The following GRIN2B variants were observed in gnomAD, a reference collection of about 807,000 sequenced individuals.
GRIN2B encodes the protein glutamate receptor ionotropic, NMDA 2B.
A neutral mutation model predicts 114.5 loss-of-function variants in GRIN2B; 5 were observed. The observed-to-expected ratio is 0.04, with a 90% confidence interval of 0.02 to 0.09. The LOEUF (loss-of-function observed/expected upper bound fraction) is 0.09, where lower values mean the gene tolerates loss of function less well. Among genes scored for constraint, GRIN2B ranks in the 10% least tolerant of loss-of-function variants. The probability of loss-of-function intolerance (pLI) is 1.00; values close to 1 mark genes in which losing one functional copy is unlikely to be tolerated. For synonymous variants in GRIN2B, 787 were observed against 745.1 expected (o/e 1.06, Z -0.92); for missense variants, 1,108 against 1,943.5 (o/e 0.57, Z 8.08).
At chr12:13,791,871 C>T (rs1005108388) in intron 3 of GRIN2B, among the ~76,000 whole-genome samples, 12 of 152,136 alleles carry the variant, frequency 7.9e-5, no homozygotes, top group African/African-American at 2.9e-4. Context: ...TAACCGTAGT[C>T]ACCCTGCTGA....
chr12:13,775,964 GAC>G (rs1863995732), intron 3 of GRIN2B, among the ~76,000 whole-genome samples: 1 of 152,092 alleles, frequency 6.6e-6, no homozygotes, highest in African/African-American at 2.4e-5. Flanking sequence ...CTATTATAAA[GAC>G]ACATGTACAC....
At chr12:13,720,346 T>C (rs570059550) in intron 4 of GRIN2B, among the ~76,000 whole-genome samples, 1 of 152,168 alleles carries the variant, frequency 6.6e-6, no homozygotes, top group East Asian at 1.9e-4. Context: ...TGCACAGGAC[T>C]TACTATGATG....
intron 3 of GRIN2B, among the ~76,000 whole-genome samples, chr12:13,800,539 C>T (rs965014966): frequency 9.2e-5 from 14 of 152,150 alleles, no homozygotes; most frequent in African/African-American, 4.8e-5. Flanking sequence ...TTATTAACCA[C>T]GGTTTAAATC....
At chr12:13,608,182 G>A (rs1002501529) in intron 10 of GRIN2B, among the ~76,000 whole-genome samples, 31 of 152,132 alleles carry the variant, frequency 2.0e-4, no homozygotes, top group African/African-American at 7.5e-4. Flanking sequence ...CGGAACCAAG[G>A]GAGAGCCCAC....
chr12:13,878,305 G>T (rs1181322802), intron 2 of GRIN2B, among the ~76,000 whole-genome samples: 2 of 152,136 alleles, frequency 1.3e-5, no homozygotes, highest in Non-Finnish European at 2.9e-5. Flanking sequence ...TTGACTGAAG[G>T]TCACAGCTTC....
At chr12:13,777,193 G>A (rs1049828781) in intron 3 of GRIN2B, among the ~76,000 whole-genome samples, 1 of 152,102 alleles carries the variant, frequency 6.6e-6, no homozygotes, top group African/African-American at 2.4e-5. Context: ...TACTAGAAAC[G>A]CAAGGGCCAC....
intron 10 of GRIN2B, among the ~76,000 whole-genome samples, chr12:13,603,583 C>A (rs1949195188): frequency 6.6e-6 from 1 of 151,764 alleles, no homozygotes; most frequent in South Asian, 2.1e-4. Context: ...AAAATCTTAC[C>A]TGGGAAGTTA....
chr12:13,954,481 T>A lies in GRIN2B; in HGVS notation c.-19+25447A>T, dbSNP rs1867549983. ...TGGTCATCAGGCTCTTACAAGTAAATCTGGCCATCTGCAGACTGAGTCACA... is the reference window on the plus strand; with the variant it reads ...TGGTCATCAGGCTCTTACAAGTAAAACTGGCCATCTGCAGACTGAGTCACA... On this transcript the variant is annotated intron_variant, in intron 2 of 13. Transcript: ENST00000609686. Among the ~76,000 whole-genome samples, 3 of 151,986 alleles carry A rather than the reference T, an allele frequency of 2.0e-5. No homozygotes were observed. The South Asian group carries it at 6.2e-4, about 32-fold the overall frequency.
At chr12:13,596,884 G>A (rs980589761) in intron 10 of GRIN2B, among the ~76,000 whole-genome samples, 6 of 152,216 alleles carry the variant, frequency 3.9e-5, no homozygotes, top group South Asian at 2.1e-4. Flanking sequence ...AAGAAGCCAG[G>A]CCAGAGAAGG....
intron 2 of GRIN2B, among the ~76,000 whole-genome samples, chr12:13,919,003 T>TA (rs1388229324): frequency 1.3e-5 from 2 of 152,150 alleles, no homozygotes; most frequent in East Asian, 3.8e-4. Flanking sequence ...AAGAAAAAAA[T>TA]AGAGACTTCT....
intron 3 of GRIN2B, among the ~76,000 whole-genome samples, chr12:13,856,349 G>C (rs896927429): frequency 1.3e-5 from 2 of 152,170 alleles, no homozygotes; most frequent in Non-Finnish European, 2.9e-5. Flanking sequence ...TAAGCTGAAG[G>C]AAGCCAGGGC....
At chr12:13,943,107 G>A (rs948786045) in intron 2 of GRIN2B, among the ~76,000 whole-genome samples, 1 of 152,086 alleles carries the variant, frequency 6.6e-6, no homozygotes, top group African/African-American at 2.4e-5. Context: ...GCTCCCGTCT[G>A]ATAAGAGCAC....
intron 3 of GRIN2B, among the ~76,000 whole-genome samples, chr12:13,823,091 A>G (rs1207994558): frequency 2.0e-5 from 3 of 152,030 alleles, no homozygotes; most frequent in Non-Finnish European, 4.4e-5. Context: ...GCAAGTTTTA[A>G]GGTATTGTAA....
intron 13 of GRIN2B, among the ~76,000 whole-genome samples, chr12:13,566,570 C>G (rs551307326): frequency 6.6e-6 from 1 of 152,290 alleles, no homozygotes; most frequent in East Asian, 1.9e-4. Flanking sequence ...CTCTCCATAA[C>G]CAACACATGG....
In GRIN2B at chr12:13,571,969, A is replaced by G. The variant is rs2136416046; in HGVS notation, c.2011-5T>C. ...GAAGTCATTAGGTCTCTGGAACTGG[A>G]GAGAGAAAGACAGATAGAGACAGAG... On this transcript the variant is annotated splice_region_variant and splice_polypyrimidine_tract_variant and intron_variant, in intron 10 of 13. Transcript: ENST00000609686. 3 of 1,611,752 alleles carry G rather than the reference A, an allele frequency of 1.9e-6. No individual in the cohort carries two copies. The highest frequency in any genetic ancestry group is 2.2e-5 in the South Asian group (2 of 90,862).
chr12:13,602,650 T>G (rs898039855), intron 10 of GRIN2B, among the ~76,000 whole-genome samples: 1 of 152,178 alleles, frequency 6.6e-6, no homozygotes, highest in Non-Finnish European at 1.5e-5. Context: ...GCATATTGAT[T>G]TAAAAGTCAT....
intron 5 of GRIN2B, among the ~76,000 whole-genome samples, chr12:13,628,078 T>C: frequency 6.6e-6 from 1 of 152,254 alleles, no homozygotes; most frequent in East Asian, 1.9e-4. Context: ...ATTAATATTA[T>C]GTGCCATAAG....
chr12:13,854,086 A>G (rs1865617252), intron 3 of GRIN2B, among the ~76,000 whole-genome samples: 1 of 152,180 alleles, frequency 6.6e-6, no homozygotes, highest in Admixed American at 6.6e-5. Flanking sequence ...CTGATGGTAG[A>G]GAAGAAAAAA....
intron 5 of GRIN2B, among the ~76,000 whole-genome samples, chr12:13,621,613 GTTTTTTTTTTTTTT>G (rs869106790): frequency 4.1e-5 from 3 of 72,368 alleles, no homozygotes; most frequent in East Asian, 5.4e-4. Flanking sequence ...CCTAGTTTTT[GTTTTTTTTTTTTTT>G]TTTTTTTTTT....
Sources: gnomAD v4.1 joint callset for allele counts (sites outside exome capture counted in the v4.1 genomes callset) on GRCh38, gnomAD v4.1.1 for gene constraint, MANE v1.5 for transcripts, NCBI Gene and HGNC (gene_info 2026-07-23, HGNC 2026-07-21) for gene names.